ARHGEF10L: variants seen among roughly 807,000 people sequenced by gnomAD.
ARHGEF10L encodes rho guanine nucleotide exchange factor 10-like protein.
In ARHGEF10L, 69 loss-of-function variants were observed where a neutral mutation model predicts 141.2. The observed-to-expected ratio is 0.49, with a 90% CI of 0.40 to 0.60. ARHGEF10L has a LOEUF of 0.60. ARHGEF10L is among the 20% of genes least tolerant of loss of function. ARHGEF10L has a pLI of 0.00. For synonymous variants in ARHGEF10L, 711 were observed against 718.5 expected (o/e 0.99, Z 0.17); for missense variants, 1,482 against 1,734.3 (o/e 0.85, Z 2.58).
At chr1:17,661,223 G>T (rs566866954) in intron 25 of ARHGEF10L, among the ~76,000 whole-genome samples, 1 of 152,052 alleles carries the variant, frequency 6.6e-6, no homozygotes, top group Non-Finnish European at 1.5e-5. Context: ...GATTACAGGC[G>T]CACACCACCA....
Position 17,697,326 on chromosome 1 carries a change from G to T in ARHGEF10L, c.3786G>T (p.Pro1262=). 6.2e-7 allele frequency: 1 copy of T among 1,611,712 alleles called. No homozygotes were observed. The highest frequency in any genetic ancestry group is 8.5e-7 in the Non-Finnish European group (1 of 1,179,156). Residue 1262 remains proline (P), a synonymous_variant, in exon 29 of 29, where the codon CCG becomes CCT. Coordinates refer to ENST00000361221, the MANE Select transcript of ARHGEF10L (RefSeq NM_018125.4). This position sits in a 1 kb window ranked among gnomAD's most constrained non-coding sequence, Gnocchi z 4.8. ...SALGSSGRQA[P]CGETDSTLLI... ...TGGGCAGCAGTGGGAGGCAGGCCCCGTGTGGGGAGACGGACAGCACCCTCC... is the reference window on the plus strand; with the variant it reads ...TGGGCAGCAGTGGGAGGCAGGCCCCTTGTGGGGAGACGGACAGCACCCTCC...
At position 17,627,093 on chromosome 1, in the gene ARHGEF10L, C is replaced by T. The variant is rs181801091; in HGVS notation, c.1411-237C>T. On this transcript the variant is annotated intron_variant, in intron 14 of 28. Coordinates refer to ENST00000361221, the MANE Select transcript of ARHGEF10L (RefSeq NM_018125.4). The surrounding 1 kb of genome is among the most constrained non-coding windows in gnomAD (Gnocchi z 4.0). ...TGGCTGGACAAATATCTGTTTGAGACCCCGCTTTCAGTTCATGTGGGTCTA... is the reference window on the plus strand; with the variant it reads ...TGGCTGGACAAATATCTGTTTGAGATCCCGCTTTCAGTTCATGTGGGTCTA... Among the ~76,000 whole-genome samples the T allele has an allele frequency of 5.5e-4, 84 of 152,372 alleles. No homozygotes were observed. Among genetic ancestry groups the T allele is most frequent in the Middle Eastern group, 3.4e-3 (1 of 294 alleles).
intron 26 of ARHGEF10L, among the ~76,000 whole-genome samples, 168 bp downstream of exon 26, chr1:17,664,763 C>T (rs1252125073): frequency 1.3e-5 from 2 of 152,208 alleles, no homozygotes; most frequent in Non-Finnish European, 2.9e-5. Flanking sequence ...TTGGGCCTGA[C>T]CTCTTCCTCT....
In ARHGEF10L at chr1:17,561,276, C is replaced by G. The variant is rs146947463; in HGVS notation, c.-43-19277C>G. On this transcript the variant is annotated intron_variant, in intron 1 of 28. Coordinates refer to ENST00000361221, the MANE Select transcript of ARHGEF10L (RefSeq NM_018125.4). ...CTTCCCCTGCCCTGCACCTCCCCCC[C>G]GCCCCGTCATGCTGGCAGCCCGGGA... Among the ~76,000 whole-genome samples the G allele has an allele frequency of 6.4e-3, 970 of 152,302 alleles. 10 individuals carry two copies. The highest frequency in any genetic ancestry group is 0.02 in the African/African-American group (826 of 41,554).
At chr1:17,659,603 AGAACCCACCATAGTGGCCCTGGTGGTGTG>A (rs1178050060) in intron 25 of ARHGEF10L, among the ~76,000 whole-genome samples, 1 of 152,212 alleles carries the variant, frequency 6.6e-6, no homozygotes, top group African/African-American at 2.4e-5. Context: ...TATCAACCTC[AGAACCCACCATAGTGGCCCTGGTGGTGTG>A]GAGGGTCCAG....
intron 1 of ARHGEF10L, among the ~76,000 whole-genome samples, chr1:17,572,981 C>T (rs901010101): frequency 2.6e-5 from 4 of 152,164 alleles, no homozygotes; most frequent in African/African-American, 9.7e-5. Flanking sequence ...GAGTGGTAGA[C>T]ACCCCTGTGT....
At chr1:17,521,863 G>A in the ARHGEF10L span, among the ~76,000 whole-genome samples, 1 of 152,034 alleles carries the variant, frequency 6.6e-6, no homozygotes, top group Admixed American at 6.6e-5. Flanking sequence ...GGACATTTAG[G>A]TGACTGTGTG....
At position 17,623,770 on chromosome 1, in the gene ARHGEF10L, G is replaced by A. The variant is rs979796282; in HGVS notation, c.1200+595G>A. Reference sequence around the variant, plus strand: ...TCATGGGGTGAGGGAAGGTCAAGTTGGTAGCACTCTACTTTGATGTGTTTT... The same window carrying A: ...TCATGGGGTGAGGGAAGGTCAAGTTAGTAGCACTCTACTTTGATGTGTTTT... On this transcript the variant is annotated intron_variant, in intron 12 of 28. Transcript: ENST00000361221. This position sits in a 1 kb window ranked among gnomAD's most constrained non-coding sequence, Gnocchi z 4.7. Among the ~76,000 whole-genome samples, 4 of 152,202 alleles carry A rather than the reference G, an allele frequency of 2.6e-5. No individual in the cohort carries two copies. Among genetic ancestry groups the A allele is most frequent in the Non-Finnish European group, 5.9e-5 (4 of 68,036 alleles).
At chr1:17,579,958 G>A (rs1428530792) in intron 1 of ARHGEF10L, among the ~76,000 whole-genome samples, 1 of 152,242 alleles carries the variant, frequency 6.6e-6, no homozygotes, top group Non-Finnish European at 1.5e-5. Context: ...TTCTGTCCCT[G>A]TCTTATGCCA....
chr1:17,641,650 C>CAACAA (rs1302045029), intron 21 of ARHGEF10L, among the ~76,000 whole-genome samples: 1 of 150,916 alleles, frequency 6.6e-6, no homozygotes, highest in Non-Finnish European at 1.5e-5. Flanking sequence ...AAACAAAACA[C>CAACAA]AACAAAACAA....
chr1:17,597,615 G>A (rs1173915143), intron 4 of ARHGEF10L, among the ~76,000 whole-genome samples: 2 of 152,210 alleles, frequency 1.3e-5, no homozygotes, highest in African/African-American at 4.8e-5. Flanking sequence ...TAGGGAGGCA[G>A]CGGAGGTGGT....
intron 25 of ARHGEF10L, among the ~76,000 whole-genome samples, chr1:17,658,127 T>C (rs868269414): frequency 1.3e-5 from 2 of 152,224 alleles, no homozygotes; most frequent in South Asian, 4.1e-4. Context: ...CATGGTGTTT[T>C]CCCTGGCTGT....
chr1:17,540,230 CT>C (rs2076669172), intron 1 of ARHGEF10L, among the ~76,000 whole-genome samples: 1 of 152,020 alleles, frequency 6.6e-6, no homozygotes, highest in Non-Finnish European at 1.5e-5. Context: ...TGTGTGTGGC[CT>C]CCAGCCGGCT....
chr1:17,570,990 G>A (rs1217265709), intron 1 of ARHGEF10L, among the ~76,000 whole-genome samples: 4 of 152,064 alleles, frequency 2.6e-5, no homozygotes, highest in African/African-American at 4.8e-5. Flanking sequence ...GTGGGTATGG[G>A]CACGTTAAGG....
intron 9 of ARHGEF10L, chr1:17,618,595 C>A: frequency 1.8e-6 from 2 of 1,134,790 alleles, no homozygotes; most frequent in Non-Finnish European, 2.3e-6. Flanking sequence ...TCCTCCCCAG[C>A]TTCCTCACAG....
rs1357493411 is a variant in ARHGEF10L, at chr1:17,599,341, AAAAG to A, written c.258-2782_258-2779del. ...ACCAAGTGAGACTGTCAAAAAAAAA[AAAAG>A]AAAAAGAAAAAAAAAACGTGCAATT... On this transcript the variant is annotated intron_variant, in intron 4 of 28. Transcript: ENST00000361221. Among the ~76,000 whole-genome samples, 6 of 152,050 alleles carry A rather than the reference AAAAG, an allele frequency of 3.9e-5. No individual in the cohort carries two copies. In the East Asian group the frequency reaches 7.7e-4, roughly 20 times the overall value.
intron 3 of ARHGEF10L, among the ~76,000 whole-genome samples, chr1:17,588,234 G>C (rs1422622210): frequency 6.6e-6 from 1 of 151,238 alleles, no homozygotes; most frequent in Non-Finnish European, 1.5e-5. Context: ...TTGGGAAGTG[G>C]GCCACGGGGT....
At chr1:17,689,153 C>T (rs534041389) in intron 27 of ARHGEF10L, among the ~76,000 whole-genome samples, 30 of 152,144 alleles carry the variant, frequency 2.0e-4, no homozygotes, top group South Asian at 2.1e-4. Flanking sequence ...CACATCAGGC[C>T]GGACTCAGTC....
intron 4 of ARHGEF10L, among the ~76,000 whole-genome samples, chr1:17,599,523 G>A (rs2080436136): frequency 6.6e-6 from 1 of 152,142 alleles, no homozygotes; most frequent in Admixed American, 6.5e-5. Context: ...GTTTGGTTCT[G>A]TCTGAGCAAT....
Sources: gnomAD v4.1 joint callset for allele counts (sites outside exome capture counted in the v4.1 genomes callset) on GRCh38, gnomAD v4.1.1 for gene constraint, Gnocchi (gnomAD v3.1) non-coding constraint, MANE v1.5 for transcripts, NCBI Gene and HGNC (gene_info 2026-07-23, HGNC 2026-07-21) for gene names.